FAM180A: variants seen among roughly 807,000 people sequenced by gnomAD.
FAM180A encodes the protein family with sequence similarity 180 member A.
In FAM180A, 14 loss-of-function variants were observed where a neutral mutation model predicts 15.3. The ratio of observed to expected loss-of-function variants is 0.92; its 90% CI spans 0.61 to 1.43. FAM180A has a LOEUF of 1.43. Ranked by LOEUF, FAM180A falls within the 40% of genes most tolerant of loss-of-function variation. The pLI is 0.00. For missense variants in FAM180A, 200 were observed against 220.8 expected, an observed-to-expected ratio of 0.91 and a Z score of 0.60; for synonymous variants, 90 against 96.8, an observed-to-expected ratio of 0.93 and a Z score of 0.41.
At chr7:135,742,662 A>G in intron 1 of FAM180A, among the ~76,000 whole-genome samples, 1 of 152,222 alleles carries the variant, frequency 6.6e-6, no homozygotes, top group East Asian at 1.9e-4. Flanking sequence ...TCCAGAGTTC[A>G]TGATTCATGT....
intron 2 of FAM180A, among the ~76,000 whole-genome samples, chr7:135,736,484 G>A (rs902836779): frequency 5.3e-5 from 8 of 152,324 alleles, no homozygotes; most frequent in Middle Eastern, 3.4e-3. Context: ...GTGGCACAGC[G>A]GACGGGAGAT....
At chr7:135,737,964 C>T (rs1396422018) in intron 1 of FAM180A, among the ~76,000 whole-genome samples, 3 of 152,196 alleles carry the variant, frequency 2.0e-5, no homozygotes, top group African/African-American at 4.8e-5. Context: ...TAGCACTGCA[C>T]GCATCTTAGC....
rs573967025 is a variant in FAM180A at position 135,734,014 on chromosome 7, G to A, written c.483C>T (p.His161=). The change falls in exon 3 of 4, where the codon CAC becomes CAT. Residue 161 remains histidine (H), a synonymous_variant. Transcript: ENST00000338588. The part of the protein sequence containing the change: ...SLVSLFQALR[H]DLMRSSQPGV... ...CCGGCTGTGAGGAGCGCATCAAGTC[G>A]TGCCTCAGGGCCTGGAAGAGGCTAA... 2.3e-5 allele frequency: 37 copies of A among 1,613,034 alleles called. No individual in the cohort carries two copies. In the South Asian group the frequency reaches 2.5e-4, roughly 11 times the overall value.
chr7:135,743,422 G>A (rs1584753856), intron 1 of FAM180A, among the ~76,000 whole-genome samples: 1 of 151,878 alleles, frequency 6.6e-6, no homozygotes, highest in East Asian at 1.9e-4. Context: ...TTACCATGTT[G>A]GCCAGGCTGG....
chr7:135,742,564 C>A (rs998181181), intron 1 of FAM180A, among the ~76,000 whole-genome samples: 25 of 152,210 alleles, frequency 1.6e-4, no homozygotes, highest in Admixed American at 9.2e-4. Context: ...AAATGAGCAT[C>A]TAGGACACAT....
At chr7:135,738,512 A>G (rs1796903175) in intron 1 of FAM180A, among the ~76,000 whole-genome samples, 1 of 152,008 alleles carries the variant, frequency 6.6e-6, no homozygotes, top group African/African-American at 2.4e-5. Context: ...CTGATTTAGG[A>G]ATGTATTTAG....
At chr7:135,736,091 C>T (rs1190715887) in intron 2 of FAM180A, among the ~76,000 whole-genome samples, 2 of 146,088 alleles carry the variant, frequency 1.4e-5, no homozygotes, top group Admixed American at 6.8e-5. Flanking sequence ...GGCGTGATCT[C>T]GGCTCACTGC....
rs1796755481 is a variant in FAM180A at position 135,729,821 on chromosome 7, G to C, written c.*790C>G. On this transcript the variant is annotated 3_prime_UTR_variant, in exon 4 of 4. Coordinates refer to ENST00000338588, the MANE Select transcript of FAM180A (RefSeq NM_205855.4). ...GTCAGACTCTCAAAAACAGAAAGCA[G>C]AATAATGGTGCCAAGAGCTGGGGCA... 2.2e-6 allele frequency: 2 copies of C among 913,122 alleles called. No individual in the cohort carries two copies. The highest frequency in any genetic ancestry group is 1.0e-4 in the South Asian group (2 of 19,868). The allele number at this position is 913,122 out of a possible 1,614,324, so 56.6% of individuals were successfully genotyped here.
chr7:135,746,712 C>T (rs1797036794), intron 1 of FAM180A, among the ~76,000 whole-genome samples: 1 of 152,184 alleles, frequency 6.6e-6, no homozygotes, highest in South Asian at 2.1e-4. Context: ...TTTTTACTTC[C>T]AAGTGCTACC....
chr7:135,745,777 G>A (rs113221365), intron 1 of FAM180A, among the ~76,000 whole-genome samples: 103 of 151,942 alleles, frequency 6.8e-4, no homozygotes, highest in African/African-American at 2.1e-3. Context: ...TAGTGGTGGG[G>A]CTGGGGGCCA....
chr7:135,746,191 A>G (rs536312274), intron 1 of FAM180A, among the ~76,000 whole-genome samples: 14 of 152,120 alleles, frequency 9.2e-5, no homozygotes, highest in African/African-American at 3.4e-4. Flanking sequence ...CTGTGGAAAG[A>G]CCTTCCCCAA....
chr7:135,734,156 T>C lies in FAM180A; in HGVS notation c.341A>G (p.His114Arg). ...GTCTTCTTTCTTGAGGATGCCAGGGTGGCTGGAGAGGCTGGCGCTGAGCCG... is the reference window on the plus strand; with the variant it reads ...GTCTTCTTTCTTGAGGATGCCAGGGCGGCTGGAGAGGCTGGCGCTGAGCCG... The part of the protein sequence containing the change: ...IRRLSASLSS[H>R]PGILKKEDFE... The change falls in exon 3 of 4, where the codon CAC (histidine) becomes CGC (arginine). Residue 114 changes from histidine to arginine, a missense_variant. His to Arg is a conservative substitution (Grantham distance 29, BLOSUM62 0). Coordinates refer to ENST00000338588, the MANE Select transcript of FAM180A (RefSeq NM_205855.4). 1 of 1,614,110 alleles carries C rather than the reference T, an allele frequency of 6.2e-7. No homozygotes were observed. Among genetic ancestry groups the C allele is most frequent in the African/African-American group, 1.3e-5 (1 of 75,042 alleles).
intron 2 of FAM180A, 88 bp downstream of exon 2, chr7:135,737,011 G>T: frequency 9.7e-7 from 1 of 1,026,118 alleles, no homozygotes. Context: ...GTCAGGGGCT[G>T]AGGGGTCACT....
In FAM180A at chr7:135,738,051, C is replaced by T. The variant is rs139298192; in HGVS notation, c.77-852G>A. ...CAGAAGATCAGGATTCTGGCTGCCT[C>T]ATGCATCCAAAATATAGCTGCCAAG... On this transcript the variant is annotated intron_variant, in intron 1 of 3. Coordinates refer to ENST00000338588, the MANE Select transcript of FAM180A (RefSeq NM_205855.4). Among the ~76,000 whole-genome samples, 180 of 152,348 alleles carry T rather than the reference C, an allele frequency of 1.2e-3. 2 individuals carry two copies. In the East Asian group the frequency reaches 0.029, roughly 24 times the overall value.
intron 1 of FAM180A, among the ~76,000 whole-genome samples, chr7:135,745,818 G>A (rs1470886921): frequency 3.3e-5 from 5 of 152,042 alleles, no homozygotes; most frequent in African/African-American, 1.2e-4. Flanking sequence ...GAAAAGCTCT[G>A]GAAGAGATTG....
At chr7:135,748,212 A>G (rs1327148327) in intron 1 of FAM180A, among the ~76,000 whole-genome samples, 2 of 152,156 alleles carry the variant, frequency 1.3e-5, no homozygotes, top group Non-Finnish European at 2.9e-5. Context: ...GCAGTCGAAG[A>G]AATGAGTTCT....
rs1796758644 is a variant in FAM180A at position 135,730,016 on chromosome 7, C to T, written c.*595G>A. The stretch of plus-strand genomic sequence containing the variant: ...ATTTTACCTGATGTGTTTTTTACCA[C>T]AATAAAAAAAATAAGATTGAAATGG... On this transcript the variant is annotated 3_prime_UTR_variant, in exon 4 of 4. Transcript: ENST00000338588. 3 of 981,758 alleles carry T rather than the reference C, an allele frequency of 3.1e-6. No homozygotes were observed. Among genetic ancestry groups the T allele is most frequent in the African/African-American group, 1.8e-5 (1 of 56,994 alleles). The allele number at this position is 981,758 out of a possible 1,614,324, so 60.8% of individuals were successfully genotyped here. A position where few individuals can be genotyped will look rare whatever the true frequency, so the allele number is the denominator to read the frequency against.
At chr7:135,734,810 C>G (rs552720238) in intron 2 of FAM180A, among the ~76,000 whole-genome samples, 139 of 152,310 alleles carry the variant, frequency 9.1e-4, no homozygotes, top group African/African-American at 3.3e-3. Context: ...GGGCTGTGGG[C>G]CCCTTGCTGT....
rs764226361 is a variant in FAM180A, at chr7:135,734,308, G to A, written c.189C>T (p.Ala63=). The A allele has an allele frequency of 2.4e-5, 38 of 1,593,326 alleles. No individual in the cohort carries two copies. The highest frequency in any genetic ancestry group is 4.5e-5 in the South Asian group (4 of 88,754). ...GCAGGTCAGGGCTGATCTCAAGTTCGGCCAGCAGGAACTGGTGAGAAATGT... is the reference window on the plus strand; with the variant it reads ...GCAGGTCAGGGCTGATCTCAAGTTCAGCCAGCAGGAACTGGTGAGAAATGT... ...EVELLYEFLL[A]ELEISPDLQI... is the part of the protein sequence containing the mutation. Residue 63 remains alanine, a synonymous_variant, in exon 3 of 4, where the codon GCC becomes GCT. Transcript: ENST00000338588.
Sources: allele counts gnomAD v4.1 joint callset (sites outside exome capture counted in the v4.1 genomes callset), GRCh38; gene constraint gnomAD v4.1.1; transcripts MANE v1.5; gene names NCBI Gene and HGNC (gene_info 2026-07-23, HGNC 2026-07-21).